Variants in MAP2K6 observed in about 807,000 individuals in gnomAD.
MAP2K6 encodes the protein mitogen-activated protein kinase kinase 6.
MAP2K6 carries 16 observed loss-of-function variants against 53.7 expected under a neutral mutation model. The observed-to-expected ratio is 0.30, with a 90% CI of 0.20 to 0.45. The LOEUF (loss-of-function observed/expected upper bound fraction) is 0.45, where lower values mean the gene tolerates loss of function less well. Among genes scored for constraint, MAP2K6 ranks in the 20% least tolerant of loss-of-function variants. The pLI is 1.00. For synonymous variants in MAP2K6, 132 were observed against 143.1 expected (o/e 0.92, Z 0.55); for missense variants, 204 against 411.9 (o/e 0.50, Z 4.37).
In MAP2K6 at chr17:69,541,661, CT is replaced by C. The variant is rs1567863402; in HGVS notation, c.928-10del. On this transcript the variant is annotated splice_polypyrimidine_tract_variant and intron_variant, in intron 11 of 11. Transcript: ENST00000590474. ...GTAAGACATTAATACCATGTTTTTT[CT>C]TTTTCTTTTCCAGCAACATCCATTT... The C allele has an allele frequency of 6.3e-7, 1 of 1,599,728 alleles. No individual in the cohort carries two copies. Among genetic ancestry groups the C allele is most frequent in the Non-Finnish European group, 8.5e-7 (1 of 1,169,640 alleles).
chr17:69,552,559 T>C lies in MAP2K6; in HGVS notation c.*10806T>C, dbSNP rs565024783. The C allele has an allele frequency of 3.9e-5, 6 of 152,338 alleles. No individual in the cohort carries two copies. The East Asian group carries it at 1.2e-3, about 29-fold the overall frequency. 9.4% of individuals were successfully genotyped at this position (152,338 alleles called of 1,614,324 possible). A position where few individuals can be genotyped will look rare whatever the true frequency, so the allele number is the denominator to read the frequency against. The stretch of plus-strand genomic sequence containing the variant: ...AGTAAAGACCTGTAAAGCATGTGGG[T>C]GGAATGTTTCCATGCTCTTGAGGTG... On this transcript the variant is annotated 3_prime_UTR_variant, in exon 12 of 12. Coordinates refer to ENST00000590474, the MANE Select transcript of MAP2K6 (RefSeq NM_002758.4).
intron 1 of MAP2K6, among the ~76,000 whole-genome samples, chr17:69,426,596 G>C (rs1906282678): frequency 6.6e-6 from 1 of 152,112 alleles, no homozygotes; most frequent in South Asian, 2.1e-4. Context: ...TCCTAGATTA[G>C]CTTAAAAGAG....
intron 7 of MAP2K6, 93 bp from the exon 8 acceptor site, chr17:69,523,418 TGAA>T: frequency 6.6e-7 from 1 of 1,519,892 alleles, no homozygotes; most frequent in Non-Finnish European, 9.1e-7. Context: ...GAAAGGAAGA[TGAA>T]GGACAAATGG....
chr17:69,518,701 T>G (rs1910302347), intron 4 of MAP2K6, among the ~76,000 whole-genome samples: 1 of 152,346 alleles, frequency 6.6e-6, no homozygotes, highest in East Asian at 1.9e-4. Context: ...GCTGACTTGC[T>G]AAGTAGGCAA....
At chr17:69,498,250 G>C (rs976438512) in intron 1 of MAP2K6, among the ~76,000 whole-genome samples, 5 of 151,982 alleles carry the variant, frequency 3.3e-5, no homozygotes, top group African/African-American at 1.2e-4. Flanking sequence ...GGAGGAAAGT[G>C]ACGTTGGCAA....
intron 1 of MAP2K6, among the ~76,000 whole-genome samples, chr17:69,485,756 G>A (rs1908510477): frequency 6.6e-6 from 1 of 152,044 alleles, no homozygotes; most frequent in African/African-American, 2.4e-5. Context: ...TTGATCCCAC[G>A]TTGTCCCTTG....
chr17:69,426,480 A>G (rs951404280), intron 1 of MAP2K6, among the ~76,000 whole-genome samples: 1 of 152,222 alleles, frequency 6.6e-6, no homozygotes, highest in African/African-American at 2.4e-5. Flanking sequence ...TACTCTCTCT[A>G]TAAACATACA....
intron 1 of MAP2K6, among the ~76,000 whole-genome samples, chr17:69,447,055 G>A (rs565406760): frequency 8.4e-4 from 123 of 146,360 alleles, no homozygotes; most frequent in African/African-American, 3.1e-3. Context: ...TCAGCACACT[G>A]CAACCTCCGC....
chr17:69,508,061 T>TTTTC (rs1281407528), intron 2 of MAP2K6, among the ~76,000 whole-genome samples: 5 of 80,694 alleles, frequency 6.2e-5, no homozygotes, highest in African/African-American at 2.6e-4. Context: ...TTTTTTTTTT[T>TTTTC]TTTTTTTGAG....
At chr17:69,496,092 T>A (rs1380618409) in intron 1 of MAP2K6, among the ~76,000 whole-genome samples, 1 of 152,198 alleles carries the variant, frequency 6.6e-6, no homozygotes, top group African/African-American at 2.4e-5. Context: ...TTTTTTTTTT[T>A]TAGCTTTAAT....
chr17:69,414,804 T>G lies in MAP2K6; in HGVS notation c.-181T>G. On this transcript the variant is annotated 5_prime_UTR_variant, in exon 1 of 12. Transcript: ENST00000590474. ...GGAAAAATCACTTTCCAGTCTGTTT[T>G]GCAAGGTGTGCATTTCCATCTTGAT... 1.7e-6 allele frequency: 1 copy of G among 593,964 alleles called. No homozygotes were observed. The allele number at this position is 593,964 out of a possible 1,614,324, so 36.8% of individuals were successfully genotyped here. A position where few individuals can be genotyped will look rare whatever the true frequency, so the allele number is the denominator to read the frequency against.
intron 1 of MAP2K6, among the ~76,000 whole-genome samples, chr17:69,491,562 C>G (rs1233797368): frequency 6.6e-6 from 1 of 152,090 alleles, no homozygotes; most frequent in Non-Finnish European, 1.5e-5. Flanking sequence ...AGAATGATTT[C>G]TATTCCTCTG....
At chr17:69,537,314 G>C (rs889820095) in intron 11 of MAP2K6, among the ~76,000 whole-genome samples, 1 of 152,122 alleles carries the variant, frequency 6.6e-6, no homozygotes, top group Non-Finnish European at 1.5e-5. Flanking sequence ...AATTATCAAG[G>C]TTTTCATTTT....
At chr17:69,460,585 C>G (rs1295064377) in intron 1 of MAP2K6, among the ~76,000 whole-genome samples, 3 of 152,172 alleles carry the variant, frequency 2.0e-5, no homozygotes, top group Non-Finnish European at 4.4e-5. Context: ...CTAGCTAAGA[C>G]TTGTTAGACC....
intron 1 of MAP2K6, among the ~76,000 whole-genome samples, chr17:69,457,893 T>C (rs2145166662): frequency 6.6e-6 from 1 of 152,354 alleles, no homozygotes; most frequent in East Asian, 1.9e-4. Flanking sequence ...TAGCAATGTC[T>C]GCAGAAGATT....
chr17:69,532,610 C>A (rs1034153296), intron 10 of MAP2K6, among the ~76,000 whole-genome samples: 1 of 152,154 alleles, frequency 6.6e-6, no homozygotes, highest in Non-Finnish European at 1.5e-5. Flanking sequence ...AATTTGCTTT[C>A]CCCCCAACCT....
chr17:69,541,725 C>A lies in MAP2K6; in HGVS notation c.977C>A (p.Ser326Tyr). 1 of 1,612,766 alleles carries A rather than the reference C, an allele frequency of 6.2e-7. No individual in the cohort carries two copies. The highest frequency in any genetic ancestry group is 8.5e-7 in the Non-Finnish European group (1 of 1,179,084). ...GAATCCAAAGGAACAGATGTGGCAT[C>A]TTTTGTAAAACTGATTCTTGGAGAC... is the stretch of plus-strand genomic sequence containing the variant. Reference protein sequence around the residue: ...LHESKGTDVASFVKLILGD With the variant: ...LHESKGTDVAYFVKLILGD Residue 326 changes from serine (S) to tyrosine (Y), a missense_variant, in exon 12 of 12, where the codon TCT becomes TAT. Transcript: ENST00000590474.
chr17:69,416,906 C>A (rs576332795), intron 1 of MAP2K6, among the ~76,000 whole-genome samples: 2 of 152,312 alleles, frequency 1.3e-5, no homozygotes, highest in African/African-American at 2.4e-5. Flanking sequence ...TTTGGGCTCA[C>A]TATGAACGTG....
Position 69,541,670 on chromosome 17 carries a change from T to C in MAP2K6, c.928-6T>C, listed in dbSNP as rs1353582442. 6.2e-7 allele frequency: 1 copy of C among 1,609,110 alleles called. No individual in the cohort carries two copies. Among genetic ancestry groups the C allele is most frequent in the South Asian group, 1.1e-5 (1 of 90,818 alleles). On this transcript the variant is annotated splice_polypyrimidine_tract_variant and splice_region_variant and intron_variant, in intron 11 of 11. Transcript: ENST00000590474. Reference sequence around the variant, plus strand: ...TAATACCATGTTTTTTCTTTTTCTTTTCCAGCAACATCCATTTTTCACCCT... The same window carrying C: ...TAATACCATGTTTTTTCTTTTTCTTCTCCAGCAACATCCATTTTTCACCCT...
Sources: gnomAD v4.1 joint callset for allele counts (sites outside exome capture counted in the v4.1 genomes callset) on GRCh38, gnomAD v4.1.1 for gene constraint, MANE v1.5 for transcripts, NCBI Gene and HGNC (gene_info 2026-07-23, HGNC 2026-07-21) for gene names.